Variants in CTDP1 observed in about 807,000 individuals in gnomAD.
CTDP1 encodes CTD phosphatase 1.
A neutral mutation model predicts 91.8 loss-of-function variants in CTDP1; 47 were observed. The observed-to-expected ratio is 0.51, with a 90% CI of 0.41 to 0.65. The LOEUF (loss-of-function observed/expected upper bound fraction) is 0.65, where lower values mean the gene tolerates loss of function less well. Ranked by LOEUF, CTDP1 falls within the 30% of genes least tolerant of loss-of-function variation. The pLI, the probability that CTDP1 is intolerant of heterozygous loss-of-function variation, is 0.00. For missense variants in CTDP1, 1,272 were observed against 1,373.7 expected (o/e 0.93, Z 1.17); for synonymous variants, 656 against 598.5 (o/e 1.10, Z -1.40).
chr18:79,738,165 C>T (rs943484033), intron 12 of CTDP1, among the ~76,000 whole-genome samples: 7 of 152,206 alleles, frequency 4.6e-5, no homozygotes, highest in Non-Finnish European at 1.0e-4. Flanking sequence ...CCGCAGTCAG[C>T]GGGCTGCGTA....
At chr18:79,731,885 T>A (rs1316177984) in intron 11 of CTDP1, among the ~76,000 whole-genome samples, 1 of 152,026 alleles carries the variant, frequency 6.6e-6, no homozygotes, top group Non-Finnish European at 1.5e-5. Context: ...AAGAACTCAC[T>A]AACATCAGGA....
intron 12 of CTDP1, among the ~76,000 whole-genome samples, chr18:79,744,062 C>T (rs1367553090): frequency 6.6e-6 from 1 of 152,196 alleles, no homozygotes; most frequent in East Asian, 1.9e-4. Context: ...CTGATGGCCT[C>T]CTTTGGAGAG....
intron 10 of CTDP1, among the ~76,000 whole-genome samples, chr18:79,725,253 G>A (rs1238346729): frequency 2.6e-5 from 4 of 152,146 alleles, no homozygotes; most frequent in Admixed American, 6.5e-5. Context: ...GTTGTGTGCC[G>A]TCTGCCCCCA....
At chr18:79,686,707 T>A (rs2085501261) in intron 1 of CTDP1, among the ~76,000 whole-genome samples, 1 of 152,288 alleles carries the variant, frequency 6.6e-6, no homozygotes, top group Non-Finnish European at 1.5e-5. Flanking sequence ...GCATTTTTTG[T>A]GCTGACTATA....
intron 10 of CTDP1, among the ~76,000 whole-genome samples, chr18:79,722,073 A>G (rs1417746498): frequency 6.6e-6 from 1 of 152,238 alleles, no homozygotes; most frequent in Non-Finnish European, 1.5e-5. Flanking sequence ...CTTAAACTAC[A>G]TAAAGTGGTT....
At chr18:79,734,683 G>C (rs2086631751) in intron 11 of CTDP1, among the ~76,000 whole-genome samples, 1 of 152,232 alleles carries the variant, frequency 6.6e-6, no homozygotes, top group Non-Finnish European at 1.5e-5. Flanking sequence ...ACAGTGCCTT[G>C]TTTTTCTCTC....
At chr18:79,711,078 C>T (rs913542275) in intron 6 of CTDP1, among the ~76,000 whole-genome samples, 2 of 152,048 alleles carry the variant, frequency 1.3e-5, no homozygotes, top group South Asian at 4.2e-4. Context: ...TCTGTGGAGG[C>T]GGGGACTGTC....
upstream of CTDP1, chr18:79,679,349 C>A (rs2085303015): frequency 4.5e-6 from 2 of 447,836 alleles, no homozygotes; most frequent in African/African-American, 2.0e-5. Context: ...GCCCGCGGCG[C>A]GCAAGGCATG....
At chr18:79,756,381 C>T (rs566539352), downstream of CTDP1, 5 of 152,402 alleles carry the variant, frequency 3.3e-5, no homozygotes, top group South Asian at 2.1e-4. Flanking sequence ...TGACCCTGCC[C>T]GCGGTGATGG....
At chr18:79,738,654 A>G (rs1038211981) in intron 12 of CTDP1, among the ~76,000 whole-genome samples, 7 of 152,232 alleles carry the variant, frequency 4.6e-5, no homozygotes, top group Non-Finnish European at 1.0e-4. Context: ...CATTCAGGCA[A>G]TCCAGTTACA....
rs1422163026 is a variant in CTDP1 at position 79,704,826 on chromosome 18, A to G, written c.681A>G (p.Pro227=). Residue 227 remains proline, a synonymous_variant, in exon 5 of 13, where the codon CCA becomes CCG. Transcript: ENST00000613122. The part of the protein sequence containing the change: ...GEPMLHTRLR[P]HCKDFLEKIA... Reference sequence around the variant, plus strand: ...CCATGCTGCACACGCGCCTGCGTCCACACTGCAAGGACTTCCTGGAGAAGA... The same window carrying G: ...CCATGCTGCACACGCGCCTGCGTCCGCACTGCAAGGACTTCCTGGAGAAGA... The G allele has an allele frequency of 6.2e-7, 1 of 1,614,068 alleles. No individual in the cohort carries two copies. Among genetic ancestry groups the G allele is most frequent in the Admixed American group, 1.7e-5 (1 of 60,030 alleles).
intron 12 of CTDP1, among the ~76,000 whole-genome samples, chr18:79,753,065 G>C (rs1171570751): frequency 7.0e-6 from 1 of 143,176 alleles, no homozygotes; most frequent in African/African-American, 2.7e-5. Flanking sequence ...GGCTCCTAAG[G>C]AAAGCCTAGT....
intron 4 of CTDP1, among the ~76,000 whole-genome samples, chr18:79,699,653 C>T (rs1599221868): frequency 1.3e-5 from 2 of 152,096 alleles, no homozygotes; most frequent in Admixed American, 1.3e-4. Context: ...ACACATATAC[C>T]TTCATGAGTT....
chr18:79,702,929 T>TAA (rs2085890820), intron 4 of CTDP1: 1 of 152,486 alleles, frequency 6.6e-6, no homozygotes, highest in East Asian at 1.9e-4. Context: ...GAGGGGGGTC[T>TAA]AAGCATGAAC....
intron 12 of CTDP1, among the ~76,000 whole-genome samples, chr18:79,750,525 G>T (rs562440965): frequency 6.6e-6 from 1 of 150,604 alleles, no homozygotes; most frequent in Non-Finnish European, 1.5e-5. Context: ...ACAGAGTCTC[G>T]CTCTGTCACC....
chr18:79,744,621 C>T (rs183695235), intron 12 of CTDP1, among the ~76,000 whole-genome samples: 2 of 152,250 alleles, frequency 1.3e-5, no homozygotes, highest in East Asian at 1.9e-4. Context: ...TAAAGAAGGA[C>T]GCTTTATAAT....
At chr18:79,710,583 C>T (rs1389184772) in intron 6 of CTDP1, 147 bp downstream of exon 6, 13 of 631,020 alleles carry the variant, frequency 2.1e-5, no homozygotes, top group Non-Finnish European at 2.3e-5. Context: ...TGCAGTGGCG[C>T]GATCTCGGCT....
rs1315451373 is a variant in CTDP1 at position 79,715,182 on chromosome 18, G to A, written c.1722G>A (p.Gln574=). 6.2e-7 allele frequency: 1 copy of A among 1,612,326 alleles called. No individual in the cohort carries two copies. Among genetic ancestry groups the A allele is most frequent in the East Asian group, 2.2e-5 (1 of 44,620 alleles). The stretch of plus-strand genomic sequence containing the variant: ...TCACTGCGGGTGAGTCCCTGGACCA[G>A]AGCATGGAGGAGGAGGAGGAGGAGG... The part of the protein sequence containing the change: ...SGVTAGESLD[Q]SMEEEEEEDT... Residue 574 remains glutamine (Q), a synonymous_variant, in exon 8 of 13, where the codon CAG becomes CAA. Transcript: ENST00000613122.
In CTDP1 at chr18:79,704,759, CT is replaced by C. The variant is rs772819863; in HGVS notation, c.622-3del. Reference sequence around the variant, plus strand: ...TTTTCTCCCGACTGTTGCTACTATTCTTTTTAGGGCATCTTTCACTTCCAGC... The same window carrying C: ...TTTTCTCCCGACTGTTGCTACTATTCTTTTAGGGCATCTTTCACTTCCAGC... On this transcript the variant is annotated splice_region_variant and splice_polypyrimidine_tract_variant and intron_variant, in intron 4 of 12. Coordinates refer to ENST00000613122, the MANE Select transcript of CTDP1 (RefSeq NM_004715.5). 6.2e-7 allele frequency: 1 copy of C among 1,613,490 alleles called. No homozygotes were observed. Among genetic ancestry groups the C allele is most frequent in the Non-Finnish European group, 8.5e-7 (1 of 1,180,036 alleles).
Sources: allele counts gnomAD v4.1 joint callset (sites outside exome capture counted in the v4.1 genomes callset), GRCh38; gene constraint gnomAD v4.1.1; transcripts MANE v1.5; gene names NCBI Gene and HGNC (gene_info 2026-07-23, HGNC 2026-07-21).